Variants in TMEM53 observed in about 807,000 individuals in gnomAD.
TMEM53 encodes the protein novel DUF829 domain-containing protein.
TMEM53 carries 14 observed loss-of-function variants against 21.4 expected under a neutral mutation model. The ratio of observed to expected loss-of-function variants is 0.65; its 90% CI spans 0.43 to 1.02. The LOEUF is 1.02. Among genes scored for constraint, TMEM53 ranks in the 50% least tolerant of loss-of-function variants. The pLI is 0.00. For missense variants in TMEM53, 323 were observed against 383.6 expected, an observed-to-expected ratio of 0.84 and a Z score of 1.32; for synonymous variants, 148 against 157.4, an observed-to-expected ratio of 0.94 and a Z score of 0.45.
At chr1:44,660,943 AGCCTGG>A (rs1644896011) in intron 1 of TMEM53, among the ~76,000 whole-genome samples, 1 of 151,502 alleles carries the variant, frequency 6.6e-6, no homozygotes, top group Non-Finnish European at 1.5e-5. Context: ...ACTGCACTCC[AGCCTGG>A]GCAACAGAGT....
At chr1:44,660,810 CAA>C (rs780453793) in intron 1 of TMEM53, among the ~76,000 whole-genome samples, 1 of 138,304 alleles carries the variant, frequency 7.2e-6, no homozygotes, top group Non-Finnish European at 1.6e-5. Flanking sequence ...CAAAAAAATA[CAA>C]AAAAAAAAAA....
rs765679820 is a variant in TMEM53 at position 44,654,681 on chromosome 1, G to A, written c.712C>T (p.Arg238Cys). The part of the protein sequence containing the change: ...IERMVEARLA[R>C]RVLARSVDFV... ...TCCACAGAACGCGCCAGGACCCGGC[G>A]TGCCAGGCGTGCCTCCACCATGCGT... is the stretch of plus-strand genomic sequence containing the variant. Residue 238 changes from arginine (R) to cysteine (C), a missense_variant, in exon 3 of 3, where the codon CGC becomes TGC. Transcript: ENST00000372237. This position sits in a 1 kb window ranked among gnomAD's most constrained non-coding sequence, Gnocchi z 7.0. 14 of 1,614,154 alleles carry A rather than the reference G, an allele frequency of 8.7e-6. No homozygotes were observed. Among genetic ancestry groups the A allele is most frequent in the East Asian group, 2.2e-5 (1 of 44,886 alleles).
At chr1:44,664,696 T>C (rs1254556966) in intron 1 of TMEM53, among the ~76,000 whole-genome samples, 1 of 152,122 alleles carries the variant, frequency 6.6e-6, no homozygotes, top group African/African-American at 2.4e-5. Flanking sequence ...GGCTGCCTCC[T>C]GTACATCAAG....
Position 44,674,435 on chromosome 1 carries a change from C to G in TMEM53, c.-44G>C, listed in dbSNP as rs1274755848. 6.3e-7 allele frequency: 1 copy of G among 1,584,700 alleles called. No individual in the cohort carries two copies. The highest frequency in any genetic ancestry group is 1.4e-5 in the African/African-American group (1 of 73,832). ...GAGCACGGGTCTCCAGCCGGAACTC[C>G]CGCTTGCGCACCCGTGCCTCACCCG... On this transcript the variant is annotated 5_prime_UTR_variant, in exon 1 of 3. Coordinates refer to ENST00000372237, the MANE Select transcript of TMEM53 (RefSeq NM_024587.4).
chr1:44,663,232 C>G (rs545452881), intron 1 of TMEM53, among the ~76,000 whole-genome samples: 1 of 151,440 alleles, frequency 6.6e-6, no homozygotes, highest in African/African-American at 2.4e-5. Context: ...TTTAAAAACA[C>G]TTTTGTTGTT....
chr1:44,674,345 G>T lies in TMEM53; in HGVS notation c.47C>A (p.Pro16His), dbSNP rs764459763. Reference sequence around the variant, plus strand: ...TCATTCCATACTCTGGCTCCAGCAGGGCTGATCCGGGATCTCGATGGTGTA... The same window carrying T: ...TCATTCCATACTCTGGCTCCAGCAGTGCTGATCCGGGATCTCGATGGTGTA... ...LDYTIEIPDQPCWSQKNSPSP... is the reference protein window; with the variant it reads ...LDYTIEIPDQHCWSQKNSPSP... Residue 16 changes from proline to histidine, a missense_variant, in exon 1 of 3, where the codon CCC becomes CAC. Around this residue, in one of 3 missense-constraint regions of TMEM53, gnomAD observed 49 missense variants for 32.9 expected, o/e 1.49. Transcript: ENST00000372237. The T allele has an allele frequency of 1.2e-6, 2 of 1,612,894 alleles. No individual in the cohort carries two copies. Among genetic ancestry groups the T allele is most frequent in the South Asian group, 2.2e-5 (2 of 91,030 alleles).
intron 1 of TMEM53, among the ~76,000 whole-genome samples, chr1:44,662,676 C>A (rs1302299839): frequency 6.6e-6 from 1 of 152,138 alleles, no homozygotes; most frequent in African/African-American, 2.4e-5. Context: ...CAGGCTCCCC[C>A]TCCCCTGCCT....
chr1:44,662,132 GACA>G (rs1271347302), intron 1 of TMEM53, among the ~76,000 whole-genome samples: 1 of 152,260 alleles, frequency 6.6e-6, no homozygotes, highest in African/African-American at 2.4e-5. Flanking sequence ...ACAAAAGGAA[GACA>G]ACAATTTCCT....
Position 44,660,213 on chromosome 1 carries a change from G to A in TMEM53, c.144C>T (p.Asp48=), listed in dbSNP as rs1364330122. The A allele has an allele frequency of 5.6e-6, 9 of 1,613,962 alleles. No homozygotes were observed. The highest frequency in any genetic ancestry group is 5.9e-6 in the Non-Finnish European group (7 of 1,179,998). The part of the protein sequence containing the change: ...VILLGWGGCK[D]KNLAKYSAIY... The stretch of plus-strand genomic sequence containing the variant: ...TGGCACTGTACTTGGCAAGGTTCTT[G>A]TCCTTGCAGCCACCCCAGCCCAAGA... Residue 48 remains aspartate, a synonymous_variant, in exon 2 of 3, where the codon GAC becomes GAT. Coordinates refer to ENST00000372237, the MANE Select transcript of TMEM53 (RefSeq NM_024587.4).
intron 1 of TMEM53, among the ~76,000 whole-genome samples, chr1:44,673,063 C>T (rs1249339422): frequency 6.6e-6 from 1 of 152,192 alleles, no homozygotes; most frequent in Non-Finnish European, 1.5e-5. Context: ...CCTTTGCAGC[C>T]GAAGACTCTC....
intron 1 of TMEM53, among the ~76,000 whole-genome samples, chr1:44,667,951 T>C (rs1419720154): frequency 6.6e-6 from 1 of 152,104 alleles, no homozygotes. Flanking sequence ...CTGACACAGA[T>C]AGTGCCAGAA....
intron 1 of TMEM53, 74 bp downstream of exon 1, chr1:44,674,257 G>A (rs1645058334): frequency 1.3e-6 from 2 of 1,531,682 alleles, no homozygotes; most frequent in Non-Finnish European, 1.8e-6. Flanking sequence ...GAGGGGCGGG[G>A]CTACAGCTGC....
chr1:44,674,296 C>A, intron 1 of TMEM53, 35 bp downstream of exon 1: 3 of 1,588,340 alleles, frequency 1.9e-6, no homozygotes, highest in Non-Finnish European at 1.7e-6. Flanking sequence ...CATGAGGTCA[C>A]CTCCCCGCGC....
rs565744895 is a variant in TMEM53 at position 44,655,762 on chromosome 1, T to G, written c.184-553A>C. On this transcript the variant is annotated intron_variant, in intron 2 of 2. Transcript: ENST00000372237. The surrounding 1 kb of genome is among the most constrained non-coding windows in gnomAD (Gnocchi z 4.4). ...ACTTCTGAGCCAGGCCCACATCACT[T>G]TCATCACTGGTCACTGTCACCTTCC... Among the ~76,000 whole-genome samples the G allele has an allele frequency of 5.3e-5, 8 of 152,126 alleles. No homozygotes were observed. In the East Asian group the frequency reaches 9.7e-4, roughly 18 times the overall value.
Position 44,674,470 on chromosome 1 carries a change from T to C in TMEM53, c.-79A>G. On this transcript the variant is annotated 5_prime_UTR_variant, in exon 1 of 3. Transcript: ENST00000372237. ...ACCCGTGCCTCACCCGGGCGCCTCC[T>C]GGGCGCCGCCCAATCACCACACACC... is the stretch of plus-strand genomic sequence containing the variant. 2.1e-6 allele frequency: 3 copies of C among 1,440,712 alleles called. No individual in the cohort carries two copies. Among genetic ancestry groups the C allele is most frequent in the Non-Finnish European group, 2.8e-6 (3 of 1,062,550 alleles). 89.2% of individuals were successfully genotyped at this position (1,440,712 alleles called of 1,614,324 possible).
intron 1 of TMEM53, among the ~76,000 whole-genome samples, chr1:44,670,419 T>C (rs554402248): frequency 3.3e-5 from 5 of 152,300 alleles, no homozygotes; most frequent in African/African-American, 1.2e-4. Context: ...GGCCTGACAC[T>C]GCTTAGCTTC....
chr1:44,654,553 A>G lies in TMEM53; in HGVS notation c.*6T>C, dbSNP rs1358062505. The G allele has an allele frequency of 4.4e-6, 7 of 1,598,734 alleles. No individual in the cohort carries two copies. The highest frequency in any genetic ancestry group is 6.0e-6 in the Non-Finnish European group (7 of 1,168,200). On this transcript the variant is annotated 3_prime_UTR_variant, in exon 3 of 3. Transcript: ENST00000372237. This position sits in a 1 kb window ranked among gnomAD's most constrained non-coding sequence, Gnocchi z 7.0. ...TCTGGAGCAGAGGTGAGATGGAGCA[A>G]TGGCCTCAGCAGCGGACGCAGTTGC...
chr1:44,671,395 T>A (rs1644999046), intron 1 of TMEM53, among the ~76,000 whole-genome samples: 1 of 152,242 alleles, frequency 6.6e-6, no homozygotes. Flanking sequence ...CTAGCTAATG[T>A]GCCAGCATCA....
chr1:44,654,926 C>T lies in TMEM53; in HGVS notation c.467G>A (p.Arg156Gln), dbSNP rs973666259. Reference protein sequence around the residue: ...PGDSNLVGALRALAAILERRA... With the variant: ...PGDSNLVGALQALAAILERRA... Reference sequence around the variant, plus strand: ...GCGCTCCAGGATGGCTGCCAGGGCCCGCAGAGCCCCTACCAGGTTGCTGTC... The same window carrying T: ...GCGCTCCAGGATGGCTGCCAGGGCCTGCAGAGCCCCTACCAGGTTGCTGTC... Residue 156 changes from arginine (R) to glutamine (Q), a missense_variant, in exon 3 of 3, where the codon CGG becomes CAG. By Grantham distance (43) the Arg-to-Gln change is conservative. Around this residue, in one of 3 missense-constraint regions of TMEM53, gnomAD observed 269 missense variants for 334.5 expected, o/e 0.80. Coordinates refer to ENST00000372237, the MANE Select transcript of TMEM53 (RefSeq NM_024587.4). The surrounding 1 kb of genome is among the most constrained non-coding windows in gnomAD (Gnocchi z 7.0). 5.0e-6 allele frequency: 8 copies of T among 1,613,250 alleles called. No individual in the cohort carries two copies. The highest frequency in any genetic ancestry group is 2.2e-5 in the East Asian group (1 of 44,872).
Sources: allele counts gnomAD v4.1 joint callset (sites outside exome capture counted in the v4.1 genomes callset), GRCh38; gene constraint gnomAD v4.1.1; regional missense constraint gnomAD v4.1.1; non-coding constraint Gnocchi (gnomAD v3.1); transcripts MANE v1.5; gene names NCBI Gene and HGNC (gene_info 2026-07-23, HGNC 2026-07-21).